PRKACG: variants seen among roughly 807,000 people sequenced by gnomAD.
PRKACG encodes protein kinase cAMP-activated catalytic subunit gamma.
PRKACG carries 24 observed loss-of-function variants against 25.6 expected under a neutral mutation model. The observed-to-expected ratio is 0.94, with a 90% CI of 0.68 to 1.32. The LOEUF (loss-of-function observed/expected upper bound fraction) is 1.32. Among genes scored for constraint, PRKACG ranks in the 40% most tolerant of loss-of-function variants. PRKACG has a pLI of 0.00. For synonymous variants in PRKACG, 202 were observed against 195.9 expected (o/e 1.03, Z -0.26); for missense variants, 481 against 462.9 (o/e 1.04, Z -0.36).
rs1016869800 is a variant in PRKACG, at chr9:69,012,813, G to A, written c.*224C>T. 12 of 554,884 alleles carry A rather than the reference G, an allele frequency of 2.2e-5. No homozygotes were observed. Among genetic ancestry groups the A allele is most frequent in the Non-Finnish European group, 3.5e-5 (11 of 314,882 alleles). 34.4% of individuals were successfully genotyped at this position (554,884 alleles called of 1,614,324 possible). On this transcript the variant is annotated 3_prime_UTR_variant, in exon 1 of 1. Coordinates refer to ENST00000377276, the MANE Select transcript of PRKACG (RefSeq NM_002732.4). ...ACCCTGTGGGAGGAGAAAGAGAGAA[G>A]CACAGAGGGACCAGGAAGGCATGGG...
chr9:69,013,690 G>C lies in PRKACG; in HGVS notation c.403C>G (p.Arg135Gly). 6.2e-7 allele frequency: 1 copy of C among 1,614,096 alleles called. No individual in the cohort carries two copies. The highest frequency in any genetic ancestry group is 8.5e-7 in the Non-Finnish European group (1 of 1,180,022). Residue 135 changes from arginine (R) to glycine (G), a missense_variant, in exon 1 of 1, where the codon CGC (arginine) becomes GGC (glycine). Transcript: ENST00000377276. ...TGGGGCTCGCTAAACCTTCCGACGC[G>C]CTGTAGGCGGGAGAACATCTCCCCA... ...PGGEMFSRLQ[R>G]VGRFSEPHAC...
rs3812538 is a variant in PRKACG, at chr9:69,012,840, G to T, written c.*197C>A. ...ACAGAGGGACCAGGAAGGCATGGGG[G>T]GGGGTGAGGGAGCAGCTGGTGTTTC... On this transcript the variant is annotated 3_prime_UTR_variant, in exon 1 of 1. Coordinates refer to ENST00000377276, the MANE Select transcript of PRKACG (RefSeq NM_002732.4). The T allele has an allele frequency of 3.0e-5, 17 of 572,622 alleles. No homozygotes were observed. The highest frequency in any genetic ancestry group is 4.7e-4 in the Middle Eastern group (1 of 2,150). The allele number at this position is 572,622 out of a possible 1,614,324, so 35.5% of individuals were successfully genotyped here.
rs1254243268 is a variant in PRKACG at position 69,013,246 on chromosome 9, C to T, written c.847G>A (p.Gly283Arg). Residue 283 changes from glycine to arginine, a missense_variant, in exon 1 of 1, where the codon GGA becomes AGA. Coordinates refer to ENST00000377276, the MANE Select transcript of PRKACG (RefSeq NM_002732.4). ...LLQVDLTKRFGNLRNGVGDIK... is the reference protein window; with the variant it reads ...LLQVDLTKRFRNLRNGVGDIK... The stretch of plus-strand genomic sequence containing the variant: ...TCGCCAACCCCGTTCCTGAGGTTTC[C>T]GAAGCGCTTGGTGAGGTCCACCTGC... The T allele has an allele frequency of 1.2e-6, 2 of 1,614,128 alleles. No homozygotes were observed. The highest frequency in any genetic ancestry group is 2.2e-5 in the South Asian group (2 of 91,076).
At position 69,013,700 on chromosome 9, in the gene PRKACG, G is replaced by T; in HGVS notation, c.393C>A (p.Ser131=). The change falls in exon 1 of 1, where the codon TCC becomes TCA. Residue 131 remains serine (S), a synonymous_variant. Transcript: ENST00000377276. The stretch of plus-strand genomic sequence containing the variant: ...TAAACCTTCCGACGCGCTGTAGGCG[G>T]GAGAACATCTCCCCACCCGGCACGT... ...MEYVPGGEMF[S]RLQRVGRFSE... 6 of 1,614,050 alleles carry T rather than the reference G, an allele frequency of 3.7e-6. No individual in the cohort carries two copies. Among genetic ancestry groups the T allele is most frequent in the Non-Finnish European group, 5.1e-6 (6 of 1,179,982 alleles).
At position 69,013,786 on chromosome 9, in the gene PRKACG, A is replaced by AC; in HGVS notation, c.306dup (p.Phe103ValfsTer10). On this transcript the variant is annotated frameshift_variant, in exon 1 of 1. Transcript: ENST00000377276. LOFTEE classifies it high-confidence loss of function. ...AAGGAGAACTGGAGCTTGACGAGGAACGGAAAGTCGATCGCCTGCAGGATG... is the reference window on the plus strand; with the variant it reads ...AAGGAGAACTGGAGCTTGACGAGGAACCGGAAAGTCGATCGCCTGCAGGATG... The AC allele has an allele frequency of 1.2e-6, 2 of 1,613,874 alleles. No homozygotes were observed. The highest frequency in any genetic ancestry group is 1.7e-6 in the Non-Finnish European group (2 of 1,179,980).
chr9:69,013,682 T>A lies in PRKACG; in HGVS notation c.411A>T (p.Gly137=), dbSNP rs1317670253. 1.1e-5 allele frequency: 17 copies of A among 1,613,780 alleles called. No homozygotes were observed. Among genetic ancestry groups the A allele is most frequent in the Non-Finnish European group, 1.4e-5 (17 of 1,179,982 alleles). ...GEMFSRLQRV[G]RFSEPHACFY... is the part of the protein sequence containing the mutation. ...AACAGGCATGGGGCTCGCTAAACCT[T>A]CCGACGCGCTGTAGGCGGGAGAACA... The change falls in exon 1 of 1, where the codon GGA becomes GGT. Residue 137 remains glycine (G), a synonymous_variant. Transcript: ENST00000377276.
chr9:69,012,709 T>G lies in PRKACG; in HGVS notation c.*328A>C. On this transcript the variant is annotated 3_prime_UTR_variant, in exon 1 of 1. Coordinates refer to ENST00000377276, the MANE Select transcript of PRKACG (RefSeq NM_002732.4). Reference sequence around the variant, plus strand: ...GCCCCTCTTTCCACACCGTGTCCCTTGATACAACAGCAAGACCTGGCCTGA... The same window carrying G: ...GCCCCTCTTTCCACACCGTGTCCCTGGATACAACAGCAAGACCTGGCCTGA... 1 of 275,198 alleles carries G rather than the reference T, an allele frequency of 3.6e-6. No homozygotes were observed. Among genetic ancestry groups the G allele is most frequent in the Non-Finnish European group, 6.9e-6 (1 of 145,568 alleles). The allele number at this position is 275,198 out of a possible 1,614,324, so 17.0% of individuals were successfully genotyped here.
chr9:69,014,040 T>A lies in PRKACG; in HGVS notation c.53A>T (p.Glu18Val). 6.2e-7 allele frequency: 1 copy of A among 1,612,912 alleles called. No individual in the cohort carries two copies. The highest frequency in any genetic ancestry group is 8.5e-7 in the Non-Finnish European group (1 of 1,179,908). ...ATCTCCTCTGGCTTTGGCTAGGAAC[T>A]CGTTCACGCTCTCCTCCTGCTCGGT... Reference protein sequence around the residue: ...KDTEQEESVNEFLAKARGDFL... With the variant: ...KDTEQEESVNVFLAKARGDFL... The change falls in exon 1 of 1, where the codon GAG becomes GTG. Residue 18 changes from glutamate to valine, a missense_variant. By Grantham distance (121) the Glu-to-Val change is moderately radical. Transcript: ENST00000377276.
rs1831309592 is a variant in PRKACG at position 69,014,039 on chromosome 9, C to A, written c.54G>T (p.Glu18Asp). The A allele has an allele frequency of 6.2e-7, 1 of 1,612,924 alleles. No individual in the cohort carries two copies. The highest frequency in any genetic ancestry group is 1.3e-5 in the African/African-American group (1 of 75,032). ...AATCTCCTCTGGCTTTGGCTAGGAA[C>A]TCGTTCACGCTCTCCTCCTGCTCGG... ...KDTEQEESVN[E>D]FLAKARGDFL... Residue 18 changes from glutamate to aspartate, a missense_variant, in exon 1 of 1, where the codon GAG (glutamate) becomes GAT (aspartate). By Grantham distance (45) the Glu-to-Asp change is conservative. Transcript: ENST00000377276.
Position 69,013,009 on chromosome 9 carries a change from GA to G in PRKACG, c.*27del. 1 of 1,588,310 alleles carries G rather than the reference GA, an allele frequency of 6.3e-7. No individual in the cohort carries two copies. Among genetic ancestry groups the G allele is most frequent in the Non-Finnish European group, 8.6e-7 (1 of 1,169,192 alleles). On this transcript the variant is annotated 3_prime_UTR_variant, in exon 1 of 1. Transcript: ENST00000377276. ...CAAACCACCAAAAACAAAAAGGAAA[GA>G]AAACCCACAGGGGCACAAGCACACC... is the stretch of plus-strand genomic sequence containing the variant.
chr9:69,013,679 C>A lies in PRKACG; in HGVS notation c.414G>T (p.Arg138Ser), dbSNP rs142083047. 6.2e-7 allele frequency: 1 copy of A among 1,614,112 alleles called. No homozygotes were observed. Among genetic ancestry groups the A allele is most frequent in the Non-Finnish European group, 8.5e-7 (1 of 1,180,026 alleles). ...AGAAACAGGCATGGGGCTCGCTAAA[C>A]CTTCCGACGCGCTGTAGGCGGGAGA... ...EMFSRLQRVG[R>S]FSEPHACFYA... is the part of the protein sequence containing the mutation. The change falls in exon 1 of 1, where the codon AGG (arginine) becomes AGT (serine). Residue 138 changes from arginine (R) to serine (S), a missense_variant. Physicochemically the swap from Arg to Ser is moderately radical, Grantham distance 110. Transcript: ENST00000377276.
rs1831285952 is a variant in PRKACG at position 69,012,736 on chromosome 9, T to C, written c.*301A>G. On this transcript the variant is annotated 3_prime_UTR_variant, in exon 1 of 1. Coordinates refer to ENST00000377276, the MANE Select transcript of PRKACG (RefSeq NM_002732.4). Reference sequence around the variant, plus strand: ...ATACAACAGCAAGACCTGGCCTGAATAGAGCTGAGAAACTCGTTTAAAACA... The same window carrying C: ...ATACAACAGCAAGACCTGGCCTGAACAGAGCTGAGAAACTCGTTTAAAACA... 1.4e-5 allele frequency: 5 copies of C among 365,552 alleles called. No homozygotes were observed. In the South Asian group the frequency reaches 1.5e-4, roughly 11 times the overall value. The allele number at this position is 365,552 out of a possible 1,614,324, so 22.6% of individuals were successfully genotyped here.
Position 69,013,102 on chromosome 9 carries a change from A to G in PRKACG, c.991T>C (p.Tyr331His). ...GPGDASNFDDYEEEELRISIN... is the reference protein window; with the variant it reads ...GPGDASNFDDHEEEELRISIN... ...GAGATCCGGAGCTCTTCCTCCTCGTAGTCGTCAAAGTTACTGGCATCCCCA... is the reference window on the plus strand; with the variant it reads ...GAGATCCGGAGCTCTTCCTCCTCGTGGTCGTCAAAGTTACTGGCATCCCCA... The change falls in exon 1 of 1, where the codon TAC becomes CAC. Residue 331 changes from tyrosine to histidine, a missense_variant. Coordinates refer to ENST00000377276, the MANE Select transcript of PRKACG (RefSeq NM_002732.4). 6.2e-7 allele frequency: 1 copy of G among 1,614,178 alleles called. No homozygotes were observed. The highest frequency in any genetic ancestry group is 1.1e-5 in the South Asian group (1 of 91,076).
rs1564319077 is a variant in PRKACG, at chr9:69,012,979, TC to T, written c.*57del. On this transcript the variant is annotated 3_prime_UTR_variant, in exon 1 of 1. Transcript: ENST00000377276. Reference sequence around the variant, plus strand: ...CTGGCTGTTCAATCCAACCCTCCCATCCCCCAAACCACCAAAAACAAAAAGG... The same window carrying T: ...CTGGCTGTTCAATCCAACCCTCCCATCCCCAAACCACCAAAAACAAAAAGG... 1 of 1,533,348 alleles carries T rather than the reference TC, an allele frequency of 6.5e-7. No individual in the cohort carries two copies. 95.0% of individuals were successfully genotyped at this position (1,533,348 alleles called of 1,614,324 possible). A position where few individuals can be genotyped will look rare whatever the true frequency, so the allele number is the denominator to read the frequency against.
At position 69,013,021 on chromosome 9, in the gene PRKACG, G is replaced by A. The variant is rs1283588958; in HGVS notation, c.*16C>T. Reference sequence around the variant, plus strand: ...AACAAAAAGGAAAGAAAACCCACAGGGGCACAAGCACACCCCTAAAACTCA... The same window carrying A: ...AACAAAAAGGAAAGAAAACCCACAGAGGCACAAGCACACCCCTAAAACTCA... On this transcript the variant is annotated 3_prime_UTR_variant, in exon 1 of 1. Transcript: ENST00000377276. 3.1e-6 allele frequency: 5 copies of A among 1,600,210 alleles called. No homozygotes were observed. Among genetic ancestry groups the A allele is most frequent in the Non-Finnish European group, 4.3e-6 (5 of 1,173,544 alleles).
rs767368923 is a variant in PRKACG at position 69,013,649 on chromosome 9, G to A, written c.444C>T (p.Ala148=). 6.2e-7 allele frequency: 1 copy of A among 1,613,928 alleles called. No individual in the cohort carries two copies. The highest frequency in any genetic ancestry group is 8.5e-7 in the Non-Finnish European group (1 of 1,179,944). Reference sequence around the variant, plus strand: ...ACTGGACGGCCAGGACGACCTGGGCGGCATAGAAACAGGCATGGGGCTCGC... The same window carrying A: ...ACTGGACGGCCAGGACGACCTGGGCAGCATAGAAACAGGCATGGGGCTCGC... The part of the protein sequence containing the change: ...RFSEPHACFY[A]AQVVLAVQYL... The change falls in exon 1 of 1, where the codon GCC becomes GCT. Residue 148 remains alanine, a synonymous_variant. Transcript: ENST00000377276.
chr9:69,012,505 G>T lies in PRKACG; in HGVS notation c.*532C>A, dbSNP rs2133070769. The T allele has an allele frequency of 6.5e-6, 1 of 154,062 alleles. No individual in the cohort carries two copies. The highest frequency in any genetic ancestry group is 2.4e-5 in the African/African-American group (1 of 41,542). The allele number at this position is 154,062 out of a possible 1,614,324, so 9.5% of individuals were successfully genotyped here. ...AGGAAGGAGGAAAGGGGACACTGGT[G>T]GAACTTAAATAAGATTTTAATTGTT... On this transcript the variant is annotated 3_prime_UTR_variant, in exon 1 of 1. Transcript: ENST00000377276.
chr9:69,012,962 T>C lies in PRKACG; in HGVS notation c.*75A>G. On this transcript the variant is annotated 3_prime_UTR_variant, in exon 1 of 1. Transcript: ENST00000377276. Reference sequence around the variant, plus strand: ...AGGAACTCTGGGGCCCTCTGGCTGTTCAATCCAACCCTCCCATCCCCCAAA... The same window carrying C: ...AGGAACTCTGGGGCCCTCTGGCTGTCCAATCCAACCCTCCCATCCCCCAAA... 1 of 1,463,038 alleles carries C rather than the reference T, an allele frequency of 6.8e-7. No individual in the cohort carries two copies. Among genetic ancestry groups the C allele is most frequent in the Non-Finnish European group, 9.2e-7 (1 of 1,085,816 alleles). 90.6% of individuals were successfully genotyped at this position (1,463,038 alleles called of 1,614,324 possible).
rs765197298 is a variant in PRKACG, at chr9:69,013,812, C to G, written c.281G>C (p.Arg94Pro). The G allele has an allele frequency of 2.2e-5, 36 of 1,613,820 alleles. No individual in the cohort carries two copies. The highest frequency in any genetic ancestry group is 2.9e-5 in the Non-Finnish European group (34 of 1,179,974). ...KQVEHILNEK[R>P]ILQAIDFPFL... is the part of the protein sequence containing the mutation. ...CGGAAAGTCGATCGCCTGCAGGATG[C>G]GCTTCTCGTTCAGTATGTGCTCGAC... The change falls in exon 1 of 1, where the codon CGC becomes CCC. Residue 94 changes from arginine to proline, a missense_variant. By Grantham distance (103) the Arg-to-Pro change is moderately radical (BLOSUM62 -2). Transcript: ENST00000377276.
Sources: allele counts gnomAD v4.1 joint callset, GRCh38; gene constraint gnomAD v4.1.1; transcripts MANE v1.5; gene names NCBI Gene and HGNC (gene_info 2026-07-23, HGNC 2026-07-21).